Variants in MOXD1 observed in about 807,000 individuals in gnomAD.
MOXD1 encodes the protein monooxygenase DBH like 1.
Under a neutral mutation model 66.6 loss-of-function variants are expected in MOXD1, and 62 were observed. The observed-to-expected ratio is 0.93, with a 90% CI of 0.76 to 1.15. The LOEUF (loss-of-function observed/expected upper bound fraction) is 1.15, where lower values mean the gene tolerates loss of function less well. MOXD1 is among the 50% of genes most tolerant of loss of function. The pLI is 0.00. For missense variants in MOXD1, 847 were observed against 754.6 expected, an observed-to-expected ratio of 1.12 and a Z score of -1.44; for synonymous variants, 303 against 281.9, an observed-to-expected ratio of 1.07 and a Z score of -0.75.
chr6:132,344,285 G>C (rs1302650793), intron 4 of MOXD1, among the ~76,000 whole-genome samples: 1 of 152,136 alleles, frequency 6.6e-6, no homozygotes, highest in East Asian at 1.9e-4. Context: ...TTAATTAACT[G>C]TATGAGTCTC....
Position 132,318,571 on chromosome 6 carries a change from T to A in MOXD1, c.1365+2058A>T, listed in dbSNP as rs1403012614. 1.3e-5 allele frequency among the ~76,000 whole-genome samples: 2 copies of A among 152,110 alleles called. 1 individual carries two copies. Among genetic ancestry groups the A allele is most frequent in the Admixed American group, 1.3e-4 (2 of 15,258 alleles). ...CTTTGTTTTATAAGCTAGATACTAA[T>A]GTCCTGTTAATCTATGTATTGCAAA... On this transcript the variant is annotated intron_variant, in intron 9 of 11. Coordinates refer to ENST00000367963, the MANE Select transcript of MOXD1 (RefSeq NM_015529.4).
intron 10 of MOXD1, among the ~76,000 whole-genome samples, chr6:132,306,996 A>G (rs1189353907): frequency 2.0e-5 from 3 of 152,164 alleles, no homozygotes; most frequent in African/African-American, 7.2e-5. Context: ...TGACAGGATC[A>G]AATTATCAAA....
chr6:132,337,985 T>C (rs1775474663), intron 4 of MOXD1, among the ~76,000 whole-genome samples: 1 of 152,172 alleles, frequency 6.6e-6, no homozygotes. Context: ...TAACCAGCTG[T>C]GGGACATGCC....
chr6:132,362,480 C>T (rs1269660346), intron 4 of MOXD1, among the ~76,000 whole-genome samples: 1 of 152,148 alleles, frequency 6.6e-6, no homozygotes, highest in Non-Finnish European at 1.5e-5. Context: ...CCCAGACTGT[C>T]AGTCTGGTTC....
chr6:132,324,792 G>C (rs1216115146), intron 6 of MOXD1, among the ~76,000 whole-genome samples: 3 of 152,120 alleles, frequency 2.0e-5, no homozygotes, highest in African/African-American at 7.2e-5. Flanking sequence ...GAAATTAATT[G>C]ACTTCCTTCT....
intron 4 of MOXD1, among the ~76,000 whole-genome samples, chr6:132,362,422 G>T (rs1776033578): frequency 6.6e-6 from 1 of 152,098 alleles, no homozygotes; most frequent in African/African-American, 2.4e-5. Flanking sequence ...GCATTGTGGT[G>T]CAGTCACATT....
At chr6:132,371,323 C>A (rs1028358695) in intron 4 of MOXD1, among the ~76,000 whole-genome samples, 1 of 152,072 alleles carries the variant, frequency 6.6e-6, no homozygotes, top group African/African-American at 2.4e-5. Flanking sequence ...TAACTTATTG[C>A]ACAGAGGTAA....
chr6:132,388,791 A>G (rs1349838764), intron 1 of MOXD1, among the ~76,000 whole-genome samples: 1 of 151,458 alleles, frequency 6.6e-6, no homozygotes, highest in African/African-American at 2.4e-5. Context: ...ATTACCTAGG[A>G]CTTTCATTTA....
At chr6:132,359,098 C>T (rs1775962469) in intron 4 of MOXD1, among the ~76,000 whole-genome samples, 1 of 151,536 alleles carries the variant, frequency 6.6e-6, no homozygotes, top group Non-Finnish European at 1.5e-5. Context: ...CCATCGTCCT[C>T]TTAGGAACTG....
chr6:132,317,736 G>A (rs1774990127), intron 9 of MOXD1, among the ~76,000 whole-genome samples: 1 of 152,004 alleles, frequency 6.6e-6, no homozygotes, highest in Non-Finnish European at 1.5e-5. Context: ...CATAAGGCAT[G>A]AGAAAAAAAT....
At chr6:132,397,607 A>G (rs988502975) in intron 1 of MOXD1, among the ~76,000 whole-genome samples, 4 of 144,932 alleles carry the variant, frequency 2.8e-5, no homozygotes, top group Non-Finnish European at 5.9e-5. Flanking sequence ...ACACACACAC[A>G]CTCACAGAGA....
At position 132,383,558 on chromosome 6, in the gene MOXD1, G is replaced by T. The variant is rs138919669; in HGVS notation, c.265-8781C>A. ...GTCACCTTCTAAAAATGAACATCCT[G>T]AATTTTCTCCCATGCCAACTGTCTC... On this transcript the variant is annotated intron_variant, in intron 1 of 11. Transcript: ENST00000367963. 5.8e-3 allele frequency among the ~76,000 whole-genome samples: 877 copies of T among 152,234 alleles called. 6 individuals are homozygous for T. The highest frequency in any genetic ancestry group is 0.02 in the African/African-American group (837 of 41,544).
chr6:132,306,518 TA>T (rs1439697773), intron 10 of MOXD1, among the ~76,000 whole-genome samples: 1 of 151,982 alleles, frequency 6.6e-6, no homozygotes, highest in African/African-American at 2.4e-5. Flanking sequence ...AGAACACCAT[TA>T]AGATACTCCA....
At chr6:132,309,091 C>A (rs1044198553) in intron 10 of MOXD1, among the ~76,000 whole-genome samples, 1 of 152,144 alleles carries the variant, frequency 6.6e-6, no homozygotes, top group Admixed American at 6.5e-5. Context: ...TCTCTGTTTG[C>A]AGATGACATA....
In MOXD1 at chr6:132,316,238, T is replaced by C. The variant is rs182231597; in HGVS notation, c.1366-461A>G. ...TTATCTACTAAAATTTGGAAAAAGA[T>C]TAAAGACCTTCAAAAGAACAGAATC... On this transcript the variant is annotated intron_variant, in intron 9 of 11. Transcript: ENST00000367963. Among the ~76,000 whole-genome samples the C allele has an allele frequency of 2.5e-3, 386 of 152,200 alleles. 2 individuals are homozygous for C. The highest frequency in any genetic ancestry group is 8.5e-3 in the African/African-American group (353 of 41,548).
At chr6:132,377,712 A>C (rs553140527) in intron 1 of MOXD1, among the ~76,000 whole-genome samples, 2 of 152,244 alleles carry the variant, frequency 1.3e-5, no homozygotes, top group Admixed American at 6.5e-5. Context: ...TCCCGGAAAA[A>C]AGAAGCAGTT....
At chr6:132,313,241 T>C (rs553165218) in intron 10 of MOXD1, among the ~76,000 whole-genome samples, 1 of 152,348 alleles carries the variant, frequency 6.6e-6, no homozygotes, top group East Asian at 1.9e-4. Context: ...TCTTGGTTTC[T>C]ATTTCCTCCC....
chr6:132,345,656 A>G (rs1775654221), intron 4 of MOXD1, among the ~76,000 whole-genome samples: 1 of 152,218 alleles, frequency 6.6e-6, no homozygotes, highest in African/African-American at 2.4e-5. Flanking sequence ...TCAATGCAAC[A>G]TAATTTATCT....
At chr6:132,313,966 C>A (rs1287297779) in intron 10 of MOXD1, among the ~76,000 whole-genome samples, 2 of 152,004 alleles carry the variant, frequency 1.3e-5, no homozygotes, top group African/African-American at 4.8e-5. Flanking sequence ...TATATTTTCT[C>A]TAATTACATA....
Sources: allele counts gnomAD v4.1 joint callset (sites outside exome capture counted in the v4.1 genomes callset), GRCh38; gene constraint gnomAD v4.1.1; transcripts MANE v1.5; gene names NCBI Gene and HGNC (gene_info 2026-07-23, HGNC 2026-07-21).